Variants in SLC36A1 observed in about 807,000 individuals in gnomAD.
The protein encoded by SLC36A1 is proton-coupled amino acid transporter 1.
In SLC36A1, 30 loss-of-function variants were observed where a neutral mutation model predicts 47.5. The observed-to-expected ratio is 0.63, with a 90% confidence interval of 0.47 to 0.86. SLC36A1 has a LOEUF of 0.86. Ranked by LOEUF, SLC36A1 falls within the 40% of genes least tolerant of loss-of-function variation. The pLI, the probability that SLC36A1 is intolerant of heterozygous loss-of-function variation, is 0.00. For missense variants in SLC36A1, 517 were observed against 606.0 expected (o/e 0.85, Z 1.54); for synonymous variants, 255 against 249.7 (o/e 1.02, Z -0.20).
intron 7 of SLC36A1, among the ~76,000 whole-genome samples, chr5:151,470,295 A>C (rs1295322156): frequency 1.3e-5 from 2 of 152,162 alleles, no homozygotes; most frequent in Non-Finnish European, 2.9e-5. Flanking sequence ...TGCTGCATTT[A>C]CTTTTAAATC....
intron 1 of SLC36A1, among the ~76,000 whole-genome samples, chr5:151,441,274 A>G (rs1222640696): frequency 6.6e-6 from 1 of 152,260 alleles, no homozygotes; most frequent in Non-Finnish European, 1.5e-5. Context: ...TGGGCAACAT[A>G]GCAAGACCTC....
the SLC36A1 span, among the ~76,000 whole-genome samples, chr5:151,390,172 AT>A: frequency 1.3e-5 from 2 of 152,060 alleles, no homozygotes; most frequent in Admixed American, 6.6e-5. Flanking sequence ...GATGATGAGC[AT>A]TTTTTCATGT....
At chr5:151,403,853 C>T in the SLC36A1 span, among the ~76,000 whole-genome samples, 1 of 152,144 alleles carries the variant, frequency 6.6e-6, no homozygotes, top group Non-Finnish European at 1.5e-5. Flanking sequence ...TGTGGTTGAT[C>T]TCAGAGTATG....
chr5:151,537,688 G>C, the SLC36A1 span: 1 of 1,129,944 alleles, frequency 8.8e-7, no homozygotes, highest in East Asian at 2.4e-5. Flanking sequence ...TTTGCTGATA[G>C]ATGAGTGAAT....
chr5:151,442,868 G>A (rs558802314), upstream of SLC36A1, among the ~76,000 whole-genome samples: 160 of 152,188 alleles, frequency 1.1e-3, 1 homozygote, highest in Non-Finnish European at 2.0e-3. Flanking sequence ...TGAAAAAAAA[G>A]ATTCCACATA....
At chr5:151,474,236 T>C (rs530514770) in intron 8 of SLC36A1, among the ~76,000 whole-genome samples, 44 of 151,758 alleles carry the variant, frequency 2.9e-4, no homozygotes, top group Non-Finnish European at 5.2e-4. Context: ...GGGGATTCCA[T>C]TGAGATTTCC....
chr5:151,482,209 T>C (rs546742829), intron 10 of SLC36A1, among the ~76,000 whole-genome samples: 1 of 152,300 alleles, frequency 6.6e-6, no homozygotes, highest in African/African-American at 2.4e-5. Flanking sequence ...CCTTTCACAC[T>C]TTTTAGTCTT....
the SLC36A1 span, among the ~76,000 whole-genome samples, chr5:151,423,388 A>G: frequency 2.0e-5 from 3 of 152,230 alleles, no homozygotes; most frequent in Non-Finnish European, 4.4e-5. Flanking sequence ...AGCAAACAAA[A>G]TGTCCTTCGG....
At chr5:151,468,703 GC>G (rs1023584424) in intron 7 of SLC36A1, among the ~76,000 whole-genome samples, 3 of 151,266 alleles carry the variant, frequency 2.0e-5, no homozygotes, top group African/African-American at 4.9e-5. Flanking sequence ...GGGCAAAATC[GC>G]CCCCCCACCC....
At chr5:151,467,010 A>G (rs897667478) in intron 5 of SLC36A1, among the ~76,000 whole-genome samples, 189 bp from the exon 6 acceptor site, 3 of 152,178 alleles carry the variant, frequency 2.0e-5, no homozygotes, top group Admixed American at 1.3e-4. Context: ...AATGGGCACA[A>G]TGTACACTGT....
the SLC36A1 span, chr5:151,543,876 C>G: frequency 1.9e-6 from 3 of 1,614,176 alleles, no homozygotes; most frequent in Admixed American, 3.3e-5. Flanking sequence ...CAGAAAGAAT[C>G]AGGTACTCCA....
intron 9 of SLC36A1, among the ~76,000 whole-genome samples, chr5:151,478,250 T>C (rs1758345003): frequency 6.6e-6 from 1 of 152,224 alleles, no homozygotes; most frequent in Non-Finnish European, 1.5e-5. Flanking sequence ...GACAAATGTT[T>C]CTTGCTGTTT....
chr5:151,463,095 C>T (rs562581359), intron 2 of SLC36A1, among the ~76,000 whole-genome samples: 83 of 152,192 alleles, frequency 5.5e-4, no homozygotes, highest in African/African-American at 1.9e-3. Context: ...AGGCTGGTCT[C>T]GAACTCCTGA....
At chr5:151,483,142 C>A (rs908045625) in intron 10 of SLC36A1, among the ~76,000 whole-genome samples, 1 of 152,212 alleles carries the variant, frequency 6.6e-6, no homozygotes, top group African/African-American at 2.4e-5. Flanking sequence ...AGCACAGGAG[C>A]CATAAATGGC....
chr5:151,409,653 C>G, the SLC36A1 span, among the ~76,000 whole-genome samples: 6 of 152,206 alleles, frequency 3.9e-5, no homozygotes, highest in Non-Finnish European at 8.8e-5. Flanking sequence ...CCCTGGACCT[C>G]CTGACTCAGA....
At chr5:151,429,868 G>A in the SLC36A1 span, among the ~76,000 whole-genome samples, 1 of 152,176 alleles carries the variant, frequency 6.6e-6, no homozygotes, top group East Asian at 1.9e-4. Flanking sequence ...TTCAAGGACA[G>A]ATGACCATTT....
At chr5:151,514,147 C>T in the SLC36A1 span, among the ~76,000 whole-genome samples, 6 of 152,198 alleles carry the variant, frequency 3.9e-5, no homozygotes, top group Admixed American at 6.5e-5. Context: ...CAGTTGAATA[C>T]TACCTATACC....
the SLC36A1 span, among the ~76,000 whole-genome samples, chr5:151,421,174 C>CTCCTTCCTTCCT: frequency 0.04 from 5,526 of 138,792 alleles, 221 homozygotes; most frequent in African/African-American, 0.097. Flanking sequence ...CGCCCTTTCT[C>CTCCTTCCTTCCT]TCCTTCCTTC....
the SLC36A1 span, among the ~76,000 whole-genome samples, chr5:151,353,476 A>AC: frequency 6.6e-6 from 1 of 152,022 alleles, no homozygotes; most frequent in African/African-American, 2.4e-5. Flanking sequence ...GTTCCCATAT[A>AC]CCCCCAGCCC....
Sources: gnomAD v4.1 joint callset for allele counts (sites outside exome capture counted in the v4.1 genomes callset) on GRCh38, gnomAD v4.1.1 for gene constraint, MANE v1.5 for transcripts, NCBI Gene and HGNC (gene_info 2026-07-23, HGNC 2026-07-21) for gene names.